Variants in APP observed in about 807,000 individuals in gnomAD.
APP encodes amyloid-beta precursor protein.
APP carries 31 observed loss-of-function variants against 101.4 expected under a neutral mutation model. The ratio of observed to expected loss-of-function variants is 0.31; its 90% CI spans 0.23 to 0.41. The LOEUF is 0.41. Among genes scored for constraint, APP ranks in the 10% least tolerant of loss-of-function variants. The pLI is 1.00. For missense variants in APP, 839 were observed against 1,003.7 expected (o/e 0.84, Z 2.22); for synonymous variants, 366 against 364.4 (o/e 1.00, Z -0.05).
At chr21:26,144,199 A>G (rs1042865555) in intron 1 of APP, among the ~76,000 whole-genome samples, 27 of 152,190 alleles carry the variant, frequency 1.8e-4, no homozygotes, top group Admixed American at 1.6e-3. Flanking sequence ...TCTATGATTC[A>G]GTTATCTCCA....
chr21:25,982,556 G>T, intron 8 of APP, 79 bp from the exon 9 acceptor site: 1 of 1,387,320 alleles, frequency 7.2e-7, no homozygotes, highest in East Asian at 2.3e-5. Context: ...ATAGAAAGCC[G>T]TATTTTCAGT....
intron 17 of APP, among the ~76,000 whole-genome samples, chr21:25,889,595 C>G (rs1275224184): frequency 6.6e-6 from 1 of 152,150 alleles, no homozygotes; most frequent in African/African-American, 2.4e-5. Context: ...AATCCCAGCA[C>G]CTTGGGAGGT....
chr21:25,881,517 A>G lies in APP; in HGVS notation c.*153T>C. On this transcript the variant is annotated 3_prime_UTR_variant, in exon 18 of 18. Coordinates refer to ENST00000346798, the MANE Select transcript of APP (RefSeq NM_000484.4). ...TGTGTGGATTAATTCAAGTTCAGGC[A>G]TCTACTTGTGTTACAGCACAGCTGT... The G allele has an allele frequency of 1.2e-6, 1 of 812,936 alleles. No individual in the cohort carries two copies. The highest frequency in any genetic ancestry group is 2.1e-6 in the Non-Finnish European group (1 of 480,988). 50.4% of individuals were successfully genotyped at this position (812,936 alleles called of 1,614,324 possible).
chr21:26,011,112 T>C (rs1357851136), intron 6 of APP, among the ~76,000 whole-genome samples: 4 of 152,078 alleles, frequency 2.6e-5, no homozygotes, highest in African/African-American at 9.7e-5. Context: ...TCTCAGTCTG[T>C]CTGCCGAGAC....
At chr21:26,055,268 G>A (rs946387049) in intron 3 of APP, among the ~76,000 whole-genome samples, 1 of 152,028 alleles carries the variant, frequency 6.6e-6, no homozygotes, top group Non-Finnish European at 1.5e-5. Flanking sequence ...TCCCAGGGGA[G>A]GAATCTCCGC....
chr21:26,112,203 G>A, intron 1 of APP, 57 bp from the exon 2 acceptor site: 4 of 1,566,558 alleles, frequency 2.6e-6, no homozygotes, highest in Non-Finnish European at 2.6e-6. Context: ...CAGAGGCTTG[G>A]AGGAAGAACA....
intron 1 of APP, among the ~76,000 whole-genome samples, chr21:26,157,310 T>A (rs1354060588): frequency 6.6e-6 from 1 of 152,136 alleles, no homozygotes; most frequent in East Asian, 1.9e-4. Context: ...CCTCAAGTGA[T>A]CCACCCACCT....
rs2037000562 is a variant in APP, at chr21:25,881,779, A to T, written c.2212-8T>A. Reference sequence around the variant, plus strand: ...GGTGACAGCGGCGTCAACCTGAAAAACAAGAGGAGAGCTGAGTAAAAAATA... The same window carrying T: ...GGTGACAGCGGCGTCAACCTGAAAATCAAGAGGAGAGCTGAGTAAAAAATA... On this transcript the variant is annotated splice_polypyrimidine_tract_variant and splice_region_variant and intron_variant, in intron 17 of 17. Transcript: ENST00000346798. The T allele has an allele frequency of 1.2e-6, 2 of 1,612,324 alleles. No individual in the cohort carries two copies. Among genetic ancestry groups the T allele is most frequent in the Admixed American group, 3.3e-5 (2 of 59,994 alleles).
In APP at chr21:25,975,984, C is replaced by A; in HGVS notation, c.1269G>T (p.Leu423Phe). 4 of 1,613,940 alleles carry A rather than the reference C, an allele frequency of 2.5e-6. No homozygotes were observed. The highest frequency in any genetic ancestry group is 3.4e-6 in the Non-Finnish European group (4 of 1,179,914). Residue 423 changes from leucine (L) to phenylalanine (F), a missense_variant, in exon 10 of 18, where the codon TTG becomes TTT. Physicochemically the swap from Leu to Phe is conservative, Grantham distance 22. Coordinates refer to ENST00000346798, the MANE Select transcript of APP (RefSeq NM_000484.4). ...TAACTGCCTTCTTATCAGCTTTAGG[C>A]AAGTTCTTTGCTTGACGTTCTGCCT... ...WEEAERQAKNLPKADKKAVIQ... is the reference protein window; with the variant it reads ...WEEAERQAKNFPKADKKAVIQ...
chr21:25,988,985 G>C (rs1568815833), intron 8 of APP, among the ~76,000 whole-genome samples: 1 of 152,126 alleles, frequency 6.6e-6, no homozygotes, highest in African/African-American at 2.4e-5. Flanking sequence ...ATACCTGCCA[G>C]AGCTCTGTTT....
chr21:25,925,138 A>C (rs1222124919), intron 13 of APP, among the ~76,000 whole-genome samples: 1 of 136,440 alleles, frequency 7.3e-6, no homozygotes, highest in Non-Finnish European at 1.6e-5. Flanking sequence ...GGGATGGACT[A>C]ATTTTCCCTA....
intron 13 of APP, among the ~76,000 whole-genome samples, chr21:25,912,303 G>A (rs984727533): frequency 2.0e-5 from 3 of 152,140 alleles, no homozygotes; most frequent in East Asian, 1.9e-4. Context: ...ACAGTTAGAC[G>A]TCCCTAGTAT....
intron 3 of APP, among the ~76,000 whole-genome samples, chr21:26,059,737 A>T (rs1486315108): frequency 6.6e-6 from 1 of 151,982 alleles, no homozygotes; most frequent in African/African-American, 2.4e-5. Flanking sequence ...AAAAATACAA[A>T]AAAATTAGCC....
At chr21:25,987,893 T>C (rs1478295218) in intron 8 of APP, among the ~76,000 whole-genome samples, 2 of 152,200 alleles carry the variant, frequency 1.3e-5, no homozygotes, top group East Asian at 3.8e-4. Context: ...CCTGGTGGAA[T>C]TATATTCTAG....
At position 25,897,677 on chromosome 21, in the gene APP, T is replaced by C. The variant is rs758989672; in HGVS notation, c.1964-4A>G. The stretch of plus-strand genomic sequence containing the variant: ...TTGATATTTGTCAACCCAGAACCTG[T>C]ATTACATCATAATTAAAGTATGCAG... On this transcript the variant is annotated splice_polypyrimidine_tract_variant and splice_region_variant and intron_variant, in intron 15 of 17. Coordinates refer to ENST00000346798, the MANE Select transcript of APP (RefSeq NM_000484.4). 1.9e-6 allele frequency: 3 copies of C among 1,602,272 alleles called. No homozygotes were observed. The highest frequency in any genetic ancestry group is 1.3e-5 in the African/African-American group (1 of 74,694).
In APP at chr21:26,112,697, A is replaced by C. The variant is rs575457205; in HGVS notation, c.58-551T>G. On this transcript the variant is annotated intron_variant, in intron 1 of 17. Transcript: ENST00000346798. ...TCACTGTAGAATTCACCATCCACAA[A>C]TATAACTGAGTATGTTGGCGATCCC... is the stretch of plus-strand genomic sequence containing the variant. Among the ~76,000 whole-genome samples the C allele has an allele frequency of 2.0e-5, 3 of 152,344 alleles. No individual in the cohort carries two copies. The East Asian group carries it at 5.8e-4, about 29-fold the overall frequency.
chr21:25,898,146 A>G (rs529336402), intron 15 of APP, among the ~76,000 whole-genome samples: 2 of 152,336 alleles, frequency 1.3e-5, no homozygotes, highest in East Asian at 3.9e-4. Context: ...CTTTGTTCCA[A>G]TTACAAATAA....
intron 6 of APP, among the ~76,000 whole-genome samples, chr21:26,015,992 C>CCCTT (rs924169849): frequency 6.6e-6 from 1 of 151,992 alleles, no homozygotes; most frequent in African/African-American, 2.4e-5. Context: ...AATTTGCTGA[C>CCCTT]CCTTGATCAT....
At chr21:26,091,799 G>A (rs931304223) in intron 2 of APP, among the ~76,000 whole-genome samples, 10 of 151,858 alleles carry the variant, frequency 6.6e-5, no homozygotes, top group African/African-American at 9.7e-5. Flanking sequence ...AGGAAAAGAG[G>A]ACATTCCCAC....
Sources: gnomAD v4.1 joint callset for allele counts (sites outside exome capture counted in the v4.1 genomes callset) on GRCh38, gnomAD v4.1.1 for gene constraint, MANE v1.5 for transcripts, NCBI Gene and HGNC (gene_info 2026-07-23, HGNC 2026-07-21) for gene names.